The following FANCL variants were observed in gnomAD, a reference collection of about 807,000 sequenced individuals.
The protein encoded by FANCL is FA complementation group L.
In FANCL, 69 loss-of-function variants were observed where a neutral mutation model predicts 59.4. That is an observed-to-expected ratio of 1.16 (90% confidence interval 0.96 to 1.42). The LOEUF (loss-of-function observed/expected upper bound fraction) is 1.42, where lower values mean the gene tolerates loss of function less well. Ranked by LOEUF, FANCL falls within the 40% of genes most tolerant of loss-of-function variation. The pLI is 0.00. For synonymous variants in FANCL, 180 were observed against 147.1 expected, an observed-to-expected ratio of 1.22 and a Z score of -1.62; for missense variants, 519 against 447.2, an observed-to-expected ratio of 1.16 and a Z score of -1.45.
rs546977526 is a variant in FANCL, at chr2:58,241,290, C to A, written c.24G>T (p.Leu8=). MAVTEAS[L]LRQCPLLLPQ... is the part of the protein sequence containing the mutation. ...GCAGAAGCAGGGGGCACTGGCGCAA[C>A]AGGCTCGCTTCCGTCACCGCCATGG... Residue 8 remains leucine (L), a synonymous_variant, in exon 1 of 14, where the codon CTG becomes CTT. Coordinates refer to ENST00000233741, the MANE Select transcript of FANCL (RefSeq NM_018062.4). 3.1e-6 allele frequency: 5 copies of A among 1,614,258 alleles called. 1 individual carries two copies. The South Asian group carries it at 5.5e-5, about 18-fold the overall frequency.
At chr2:58,166,160 T>G (rs541807928) in intron 7 of FANCL, among the ~76,000 whole-genome samples, 1 of 69,872 alleles carries the variant, frequency 1.4e-5, no homozygotes, top group South Asian at 4.3e-4. Context: ...GCAATAGTAA[T>G]GAGTACAAGA....
chr2:58,170,379 G>T (rs139182344), intron 7 of FANCL, among the ~76,000 whole-genome samples: 1,968 of 152,280 alleles, frequency 0.013, 40 homozygotes, highest in Middle Eastern at 0.02. Context: ...AAGAGCTCCT[G>T]AAGGACGCGT....
At chr2:58,237,788 C>T (rs1251134520) in intron 1 of FANCL, among the ~76,000 whole-genome samples, 1 of 152,082 alleles carries the variant, frequency 6.6e-6, no homozygotes, top group Non-Finnish European at 1.5e-5. Flanking sequence ...CCTAATTTCC[C>T]TCCTTTTGAA....
intron 1 of FANCL, among the ~76,000 whole-genome samples, chr2:58,237,215 T>C (rs1694104500): frequency 6.6e-6 from 1 of 152,194 alleles, no homozygotes; most frequent in African/African-American, 2.4e-5. Flanking sequence ...TAGACTATAT[T>C]ATTGGTCATA....
intron 5 of FANCL, among the ~76,000 whole-genome samples, chr2:58,209,157 T>A (rs1409243148): frequency 6.6e-6 from 1 of 151,958 alleles, no homozygotes; most frequent in Non-Finnish European, 1.5e-5. Context: ...TCATGTAAGT[T>A]TTAGCTTGCC....
rs1060504376 is a variant in FANCL, at chr2:58,161,624, A to G, written c.918T>C (p.Asp306=). 2.5e-6 allele frequency: 4 copies of G among 1,609,092 alleles called. No homozygotes were observed. The East Asian group carries it at 8.9e-5, about 36-fold the overall frequency. Residue 306 remains aspartate, a synonymous_variant, in exon 12 of 14, where the codon GAT becomes GAC. Transcript: ENST00000233741. ...GTTGATAAGCATAACAAATTCCACA[A>G]TCCATAGTAAAATCCTTCAAAAGAA... ...AILEKSDFTM[D]CGICYAYQLD...
chr2:58,228,019 T>A (rs1162700464), intron 3 of FANCL, among the ~76,000 whole-genome samples: 1 of 152,186 alleles, frequency 6.6e-6, no homozygotes, highest in Non-Finnish European at 1.5e-5. Context: ...TATGTAATTT[T>A]TAAAATCTAG....
At chr2:58,198,055 G>C (rs1689609838) in intron 7 of FANCL, among the ~76,000 whole-genome samples, 1 of 151,946 alleles carries the variant, frequency 6.6e-6, no homozygotes, top group Admixed American at 6.6e-5. Flanking sequence ...GCGTGTGTGT[G>C]TGTGTATTTA....
At position 58,165,718 on chromosome 2, in the gene FANCL, C is replaced by G; in HGVS notation, c.691+6G>C. The G allele has an allele frequency of 6.2e-7, 1 of 1,614,032 alleles. No homozygotes were observed. Among genetic ancestry groups the G allele is most frequent in the Non-Finnish European group, 8.5e-7 (1 of 1,179,922 alleles). ...AAAACAAACCCTTAATCCTCCTTGT[C>G]CCTACCTAATGCAATTCTGCGTGCT... On this transcript the variant is annotated splice_donor_region_variant and intron_variant, in intron 8 of 13. Coordinates refer to ENST00000233741, the MANE Select transcript of FANCL (RefSeq NM_018062.4).
In FANCL at chr2:58,240,407, C is replaced by CA. The variant is rs1553459539; in HGVS notation, c.96+810dup. Among the ~76,000 whole-genome samples, 6 of 152,040 alleles carry CA rather than the reference C, an allele frequency of 3.9e-5. 1 individual carries two copies. The highest frequency in any genetic ancestry group is 4.1e-4 in the South Asian group (2 of 4,826). On this transcript the variant is annotated intron_variant, in intron 1 of 13. Transcript: ENST00000233741. ...ACTCCTAACCTAAGGTATCCTGGTG[C>CA]AATGTAAAGAGAAAAAAATCCAGGA...
chr2:58,163,607 A>G (rs1191968011), intron 8 of FANCL, 90 bp from the exon 9 acceptor site: 3 of 767,054 alleles, frequency 3.9e-6, no homozygotes, highest in Non-Finnish European at 7.0e-6. Flanking sequence ...CTGGCTACCT[A>G]TTTCACTGTA....
intron 4 of FANCL, among the ~76,000 whole-genome samples, chr2:58,225,821 A>G (rs1692943626): frequency 2.0e-5 from 3 of 152,082 alleles, no homozygotes; most frequent in Admixed American, 2.0e-4. Flanking sequence ...CATGGCATGA[A>G]TAAAAAGGGT....
chr2:58,194,301 T>A (rs1469607251), intron 7 of FANCL: 4 of 470,792 alleles, frequency 8.5e-6, no homozygotes, highest in East Asian at 6.9e-5. Context: ...CGTTTTTTTA[T>A]AATCATAATA....
chr2:58,170,321 C>G (rs1312056561), intron 7 of FANCL, among the ~76,000 whole-genome samples: 1 of 152,168 alleles, frequency 6.6e-6, no homozygotes, highest in Non-Finnish European at 1.5e-5. Context: ...AAATCCTTTA[C>G]AGACAAGCAA....
chr2:58,218,170 T>C (rs1035762215), intron 5 of FANCL, among the ~76,000 whole-genome samples: 1 of 151,970 alleles, frequency 6.6e-6, no homozygotes, highest in African/African-American at 2.4e-5. Context: ...CAAGCTAAAA[T>C]TGCTTACAAA....
At chr2:58,236,543 TATAAA>T (rs1480702270) in intron 1 of FANCL, among the ~76,000 whole-genome samples, 1 of 148,918 alleles carries the variant, frequency 6.7e-6, no homozygotes, top group Admixed American at 6.7e-5. Flanking sequence ...ATTCCAATAA[TATAAA>T]ATACAGAAAA....
At chr2:58,236,298 G>A (rs938373613) in intron 1 of FANCL, among the ~76,000 whole-genome samples, 22 of 151,806 alleles carry the variant, frequency 1.4e-4, no homozygotes, top group Admixed American at 8.5e-4. Flanking sequence ...GAGATTTCTC[G>A]TAGAAAACAG....
chr2:58,170,661 G>C (rs1418326796), intron 7 of FANCL, among the ~76,000 whole-genome samples: 3 of 150,976 alleles, frequency 2.0e-5, no homozygotes, highest in Non-Finnish European at 2.9e-5. Context: ...CGAAATAAAG[G>C]GATGGAGGAA....
At chr2:58,239,659 TATGA>T (rs1268519146) in intron 1 of FANCL, among the ~76,000 whole-genome samples, 1 of 152,214 alleles carries the variant, frequency 6.6e-6, no homozygotes, top group Non-Finnish European at 1.5e-5. Flanking sequence ...TGTGGTTATG[TATGA>T]GTGTGTCCTC....
Sources: gnomAD v4.1 joint callset for allele counts (sites outside exome capture counted in the v4.1 genomes callset) on GRCh38, gnomAD v4.1.1 for gene constraint, MANE v1.5 for transcripts, NCBI Gene and HGNC (gene_info 2026-07-23, HGNC 2026-07-21) for gene names.